The following RYR1 variants were observed in gnomAD, a reference collection of about 807,000 sequenced individuals.
The protein encoded by RYR1 is ryanodine receptor 1, also known as central core disease of muscle.
A neutral mutation model predicts 583.5 loss-of-function variants in RYR1; 342 were observed. The observed-to-expected ratio is 0.59, with a 90% CI of 0.54 to 0.64. RYR1 has a LOEUF of 0.64. Among genes scored for constraint, RYR1 ranks in the 30% least tolerant of loss-of-function variants. The pLI, the probability that RYR1 is intolerant of heterozygous loss-of-function variation, is 0.00. For missense variants in RYR1, 6,032 were observed against 6,917.2 expected (o/e 0.87, Z 4.54); for synonymous variants, 2,791 against 2,822.5 (o/e 0.99, Z 0.35).
At chr19:38,573,053 C>T in intron 95 of RYR1, 124 bp from the exon 96 acceptor site, 1 of 1,491,084 alleles carries the variant, frequency 6.7e-7, no homozygotes, top group South Asian at 1.1e-5. Context: ...CTACCCTTAT[C>T]ACTGGGAAAG....
In RYR1 at chr19:38,484,310, C is replaced by T. The variant is rs373286934; in HGVS notation, c.4934+794C>T. Among the ~76,000 whole-genome samples, 5 of 151,870 alleles carry T rather than the reference C, an allele frequency of 3.3e-5. No homozygotes were observed. In the East Asian group the frequency reaches 5.8e-4, roughly 18 times the overall value. ...CCATCTCAAAAAATAGAATTCTGAA[C>T]GTGGGAGGAATCCCAGACTCACCCA... On this transcript the variant is annotated intron_variant, in intron 33 of 105. Coordinates refer to ENST00000359596, the MANE Select transcript of RYR1 (RefSeq NM_000540.3).
chr19:38,511,679 C>T, intron 61 of RYR1, 69 bp downstream of exon 61: 1 of 1,535,376 alleles, frequency 6.5e-7, no homozygotes, highest in African/African-American at 1.4e-5. Flanking sequence ...AAATAGCTCC[C>T]AGGTTCTGCC....
chr19:38,550,547 A>G (rs952866745), intron 89 of RYR1, among the ~76,000 whole-genome samples: 19 of 151,944 alleles, frequency 1.3e-4, no homozygotes, highest in African/African-American at 3.4e-4. Context: ...GTCTTGCTCT[A>G]TTGCCCCGGC....
chr19:38,509,456 T>A lies in RYR1; in HGVS notation c.8933-1042T>A, dbSNP rs868173760. Among the ~76,000 whole-genome samples the A allele has an allele frequency of 2.5e-3, 287 of 114,526 alleles. 2 individuals carry two copies. The highest frequency in any genetic ancestry group is 0.011 in the East Asian group (48 of 4,538). The allele number at this position is 114,526 out of a possible 152,430, so 75.1% of individuals were successfully genotyped here. On this transcript the variant is annotated intron_variant, in intron 58 of 105. Coordinates refer to ENST00000359596, the MANE Select transcript of RYR1 (RefSeq NM_000540.3). The stretch of plus-strand genomic sequence containing the variant: ...TATTATTATTATTATTATTATTTTT[T>A]TTTTTTTTTTTTTTGAGACGGAGTC...
chr19:38,516,099 C>T lies in RYR1; in HGVS notation c.9567C>T (p.Ala3189=). Residue 3189 remains alanine, a synonymous_variant, in exon 65 of 106, where the codon GCC becomes GCT. Coordinates refer to ENST00000359596, the MANE Select transcript of RYR1 (RefSeq NM_000540.3). ...KNTYVEKLRP[A]LGECLARLAA... The stretch of plus-strand genomic sequence containing the variant: ...CCCCGTCTTCCAGGCTTCGGCCAGC[C>T]CTCGGGGAGTGCCTGGCCCGTCTGG... 6.5e-7 allele frequency: 1 copy of T among 1,549,146 alleles called. No homozygotes were observed. Among genetic ancestry groups the T allele is most frequent in the Non-Finnish European group, 8.7e-7 (1 of 1,146,760 alleles).
In RYR1 at chr19:38,546,542, T is replaced by C. The variant is rs374320090; in HGVS notation, c.12094+16T>C. ...CTACTAGAAGGTAAACACCCAGGAGTGAGGGTGAGGGAACAGTAAAGAGGT... is the reference window on the plus strand; with the variant it reads ...CTACTAGAAGGTAAACACCCAGGAGCGAGGGTGAGGGAACAGTAAAGAGGT... On this transcript the variant is annotated intron_variant, in intron 88 of 105. Transcript: ENST00000359596. The C allele has an allele frequency of 2.8e-5, 45 of 1,603,434 alleles. No homozygotes were observed. The highest frequency in any genetic ancestry group is 6.7e-5 in the Admixed American group (4 of 59,686).
At chr19:38,555,366 C>G (rs568496883) in intron 89 of RYR1, among the ~76,000 whole-genome samples, 1 of 150,060 alleles carries the variant, frequency 6.7e-6, no homozygotes, top group East Asian at 2.0e-4. Flanking sequence ...GTGGGAGGAC[C>G]GAGAAGTTGA....
intron 84 of RYR1, among the ~76,000 whole-genome samples, chr19:38,542,065 T>TG (rs1972218422): frequency 8.7e-6 from 1 of 114,614 alleles, no homozygotes; most frequent in African/African-American, 4.0e-5. Context: ...GGAGACCTTG[T>TG]CAAAAAAAAA....
Position 38,528,414 on chromosome 19 carries a change from C to T in RYR1, c.10933C>T (p.Pro3645Ser). The change falls in exon 74 of 106, where the codon CCC becomes TCC. Residue 3645 changes from proline (P) to serine (S), a missense_variant. This residue lies in a region of RYR1 where 1,493 missense variants were observed against 1,715.5 expected (regional missense o/e 0.87). Coordinates refer to ENST00000359596, the MANE Select transcript of RYR1 (RefSeq NM_000540.3). The stretch of plus-strand genomic sequence containing the variant: ...CCGTATGACGCCCCTGTACAACCTG[C>T]CCACGTAAGGCCCCCAGGGACAAGG... ...CFRMTPLYNL[P>S]THRACNMFLE... The T allele has an allele frequency of 6.2e-7, 1 of 1,614,018 alleles. No homozygotes were observed. The highest frequency in any genetic ancestry group is 1.6e-4 in the Middle Eastern group (1 of 6,062).
chr19:38,439,453 C>A (rs934798641), intron 1 of RYR1, among the ~76,000 whole-genome samples: 1 of 152,112 alleles, frequency 6.6e-6, no homozygotes, highest in Non-Finnish European at 1.5e-5. Context: ...CCTGCCTCGG[C>A]CTCCCAAAGT....
chr19:38,504,964 C>A (rs751701788), intron 51 of RYR1, 39 bp from the exon 52 acceptor site: 1 of 1,613,864 alleles, frequency 6.2e-7, no homozygotes, highest in South Asian at 1.1e-5. Flanking sequence ...GTGGAGGGAA[C>A]CCCAGCTCCA....
chr19:38,586,189 C>T lies in RYR1; in HGVS notation c.14967C>T (p.Tyr4989=). Residue 4989 remains tyrosine (Y), a splice_region_variant and synonymous_variant, in exon 104 of 106, where the codon TAC becomes TAT. Transcript: ENST00000359596. ...TGGAGGAGCACAACCTGGCCAATTA[C>T]ATGTGAGCAGACACACTGGCCAGTC... ...HTLEEHNLAN[Y]MFFLMYLINK... is the part of the protein sequence containing the mutation. 6.2e-7 allele frequency: 1 copy of T among 1,613,500 alleles called. No homozygotes were observed. The highest frequency in any genetic ancestry group is 1.1e-5 in the South Asian group (1 of 91,048).
rs772775579 is a variant in RYR1, at chr19:38,443,800, C to A, written c.424+4C>A. The A allele has an allele frequency of 2.3e-5, 37 of 1,613,878 alleles. No individual in the cohort carries two copies. The highest frequency in any genetic ancestry group is 3.1e-5 in the Non-Finnish European group (37 of 1,179,916). On this transcript the variant is annotated splice_donor_region_variant and intron_variant, in intron 5 of 105. Transcript: ENST00000359596. ...GGACTGCAGGAGGACGCAACAGGTGCAGCAGCTGGAGGGGATGGGGGTGTG... is the reference window on the plus strand; with the variant it reads ...GGACTGCAGGAGGACGCAACAGGTGAAGCAGCTGGAGGGGATGGGGGTGTG...
In RYR1 at chr19:38,565,252, A is replaced by G. The variant is rs2145844707; in HGVS notation, c.12918A>G (p.Arg4306=). 1 of 990,544 alleles carries G rather than the reference A, an allele frequency of 1.0e-6. No homozygotes were observed. The highest frequency in any genetic ancestry group is 1.2e-6 in the Non-Finnish European group (1 of 835,192). 61.4% of individuals were successfully genotyped at this position (990,544 alleles called of 1,614,324 possible). A position where few individuals can be genotyped will look rare whatever the true frequency, so the allele number is the denominator to read the frequency against. ...TGGCGGCCGCAGGCCGGGCCCTGCGAGGCCTCAGCTACCGCAGCCTGCGGC... is the reference window on the plus strand; with the variant it reads ...TGGCGGCCGCAGGCCGGGCCCTGCGGGGCCTCAGCTACCGCAGCCTGCGGC... ...RVVAAAGRAL[R]GLSYRSLRRR... The change falls in exon 91 of 106, where the codon CGA becomes CGG. Residue 4306 remains arginine (R), a synonymous_variant. Coordinates refer to ENST00000359596, the MANE Select transcript of RYR1 (RefSeq NM_000540.3). This position sits in a 1 kb window ranked among gnomAD's most constrained non-coding sequence, Gnocchi z 4.7.
intron 96 of RYR1, among the ~76,000 whole-genome samples, chr19:38,574,889 A>T (rs1973885945): frequency 6.6e-6 from 1 of 151,146 alleles, no homozygotes; most frequent in African/African-American, 2.4e-5. Flanking sequence ...AATACAAAAA[A>T]ATTAGCTGGG....
In RYR1 at chr19:38,433,796, C is replaced by A; in HGVS notation, c.-34C>A. On this transcript the variant is annotated 5_prime_UTR_variant, in exon 1 of 106. Transcript: ENST00000359596. The stretch of plus-strand genomic sequence containing the variant: ...CCCGCAGCCCCCTCCCTCTGTTCCC[C>A]GACCTCAGACCCTGGGCTTCCGACC... 6.4e-7 allele frequency: 1 copy of A among 1,572,678 alleles called. No individual in the cohort carries two copies. Among genetic ancestry groups the A allele is most frequent in the Non-Finnish European group, 8.7e-7 (1 of 1,144,266 alleles).
At chr19:38,571,835 T>A (rs1423435687) in intron 94 of RYR1, among the ~76,000 whole-genome samples, 184 bp from the exon 95 acceptor site, 1 of 152,198 alleles carries the variant, frequency 6.6e-6, no homozygotes, top group Admixed American at 6.6e-5. Flanking sequence ...TTCAATAGGC[T>A]AATTCCCAGG....
At position 38,502,539 on chromosome 19, in the gene RYR1, G is replaced by A. The variant is rs547811862; in HGVS notation, c.7647G>A (p.Ala2549=). ...TCAGCACCACCGAGATGGCGCTGGC[G>A]CTGAACCGCTACCTGTGCCTGGCCG... ...ATFSTTEMAL[A]LNRYLCLAVL... The change falls in exon 48 of 106, where the codon GCG becomes GCA. Residue 2549 remains alanine (A), a synonymous_variant. Coordinates refer to ENST00000359596, the MANE Select transcript of RYR1 (RefSeq NM_000540.3). The A allele has an allele frequency of 1.3e-5, 21 of 1,610,150 alleles. No homozygotes were observed. In the South Asian group the frequency reaches 1.4e-4, roughly 11 times the overall value.
chr19:38,524,784 G>A (rs1453219375), intron 70 of RYR1, among the ~76,000 whole-genome samples: 1 of 152,176 alleles, frequency 6.6e-6, no homozygotes, highest in Non-Finnish European at 1.5e-5. Flanking sequence ...TTGTGGACCT[G>A]CATCTTTGTT....
Sources: allele counts gnomAD v4.1 joint callset (sites outside exome capture counted in the v4.1 genomes callset), GRCh38; gene constraint gnomAD v4.1.1; regional missense constraint gnomAD v4.1.1; non-coding constraint Gnocchi (gnomAD v3.1); transcripts MANE v1.5; gene names NCBI Gene and HGNC (gene_info 2026-07-23, HGNC 2026-07-21).